The following OBI1 variants were observed in gnomAD, a reference collection of about 807,000 sequenced individuals.
OBI1 encodes the protein ring finger protein 219.
A neutral mutation model predicts 62.4 loss-of-function variants in OBI1; 59 were observed. The observed-to-expected ratio is 0.95, with a 90% CI of 0.77 to 1.17. The LOEUF (loss-of-function observed/expected upper bound fraction) is 1.17, where lower values mean the gene tolerates loss of function less well. OBI1 is among the 50% of genes most tolerant of loss of function. The probability of loss-of-function intolerance (pLI) is 0.00; values close to 1 mark genes in which losing one functional copy is unlikely to be tolerated. For synonymous variants in OBI1, 302 were observed against 292.8 expected (o/e 1.03, Z -0.32); for missense variants, 875 against 830.9 (o/e 1.05, Z -0.65).
chr13:78,645,014 C>CACTTTT lies in OBI1; in HGVS notation c.73-23_73-18dup. On this transcript the variant is annotated splice_polypyrimidine_tract_variant and intron_variant, in intron 1 of 5. Coordinates refer to ENST00000282003, the MANE Select transcript of OBI1 (RefSeq NM_024546.4). Reference sequence around the variant, plus strand: ...CTGACGTACCTTTGAAAAAAGAAATCACTTTTAGTACAGGACAACGGTCAT... The same window carrying CACTTTT: ...CTGACGTACCTTTGAAAAAAGAAATCACTTTTACTTTTAGTACAGGACAACGGTCAT... 1 of 1,603,022 alleles carries CACTTTT rather than the reference C, an allele frequency of 6.2e-7. No individual in the cohort carries two copies.
At chr13:78,626,806 A>G (rs373704386) in intron 5 of OBI1, among the ~76,000 whole-genome samples, 1 of 152,330 alleles carries the variant, frequency 6.6e-6, no homozygotes, top group South Asian at 2.1e-4. Context: ...GGTGGCTCAC[A>G]CCTGTAATCC....
At chr13:78,620,648 A>G (rs1875479844) in intron 5 of OBI1, 2 of 456,588 alleles carry the variant, frequency 4.4e-6, no homozygotes, top group Admixed American at 2.3e-5. Context: ...CCCCTTGTCC[A>G]AATAGCTCTA....
chr13:78,657,023 G>T (rs1876733431), intron 1 of OBI1, among the ~76,000 whole-genome samples: 1 of 151,792 alleles, frequency 6.6e-6, no homozygotes, highest in Admixed American at 6.6e-5. Flanking sequence ...GACCTCAGGC[G>T]ATCTGCCCGC....
chr13:78,633,805 C>T (rs372789740), intron 5 of OBI1, among the ~76,000 whole-genome samples: 12 of 152,070 alleles, frequency 7.9e-5, no homozygotes, highest in African/African-American at 1.2e-4. Context: ...TGGTGGCTCA[C>T]GCCTGTAATC....
intron 2 of OBI1, among the ~76,000 whole-genome samples, chr13:78,644,504 A>C (rs1421085267): frequency 1.3e-5 from 2 of 151,054 alleles, no homozygotes; most frequent in Admixed American, 1.3e-4. Context: ...CTTAAATTTA[A>C]ATGTCCAGCT....
intron 4 of OBI1, among the ~76,000 whole-genome samples, chr13:78,635,796 T>C (rs1236226065): frequency 1.3e-5 from 2 of 152,182 alleles, no homozygotes; most frequent in Non-Finnish European, 2.9e-5. Context: ...AGAGTCTTGC[T>C]CAGTTGCCCA....
chr13:78,633,630 CT>C (rs1430407784), intron 5 of OBI1, among the ~76,000 whole-genome samples: 1 of 151,980 alleles, frequency 6.6e-6, no homozygotes, highest in Non-Finnish European at 1.5e-5. Context: ...TCTTTTTTTT[CT>C]GGAAAAAGAA....
chr13:78,639,958 A>G (rs1349828723), intron 3 of OBI1, among the ~76,000 whole-genome samples: 1 of 151,668 alleles, frequency 6.6e-6, no homozygotes, highest in Non-Finnish European at 1.5e-5. Flanking sequence ...TAACCTGCAC[A>G]ATGTGCACAT....
At chr13:78,630,419 T>C (rs1189320388) in intron 5 of OBI1, among the ~76,000 whole-genome samples, 4 of 152,288 alleles carry the variant, frequency 2.6e-5, no homozygotes, top group South Asian at 2.1e-4. Context: ...AAGTATTCTA[T>C]AGTTCATGTT....
At chr13:78,624,964 C>G (rs967445418) in intron 5 of OBI1, among the ~76,000 whole-genome samples, 1 of 152,206 alleles carries the variant, frequency 6.6e-6, no homozygotes, top group Non-Finnish European at 1.5e-5. Flanking sequence ...ACTCTAAGTA[C>G]TACTTTCTCT....
Position 78,616,459 on chromosome 13 carries a change from AG to A in OBI1, c.1301del (p.Ser434PhefsTer14). On this transcript the variant is annotated frameshift_variant, in exon 6 of 6. Transcript: ENST00000282003. LOFTEE classifies it high-confidence loss of function. Reference sequence around the variant, plus strand: ...AAGAATCTTTATTAGAAACATTTGAAGAATCACAAAAATCATCAAACACCAA... The same window carrying A: ...AAGAATCTTTATTAGAAACATTTGAAAATCACAAAAATCATCAAACACCAA... The part of the protein sequence containing the change: ...RKLVFDDFCD[S>X]SNVSNKDSSE... 6.2e-7 allele frequency: 1 copy of A among 1,614,026 alleles called. No homozygotes were observed. Among genetic ancestry groups the A allele is most frequent in the Non-Finnish European group, 8.5e-7 (1 of 1,180,024 alleles).
chr13:78,645,037 C>A, intron 1 of OBI1, 40 bp from the exon 2 acceptor site: 1 of 1,562,426 alleles, frequency 6.4e-7, no homozygotes, highest in South Asian at 1.2e-5. Context: ...GGACAACGGT[C>A]ATAATTAGAA....
chr13:78,627,082 G>C (rs146773624), intron 5 of OBI1, among the ~76,000 whole-genome samples: 1,600 of 152,196 alleles, frequency 0.011, 13 homozygotes, highest in Middle Eastern at 0.044. Context: ...TAGAAAGGCT[G>C]TTACAACAGG....
At chr13:78,646,529 G>A (rs1876389353) in intron 1 of OBI1, among the ~76,000 whole-genome samples, 2 of 152,042 alleles carry the variant, frequency 1.3e-5, no homozygotes, top group African/African-American at 4.8e-5. Context: ...TCTCTTCACG[G>A]TGGGACTCAA....
intron 4 of OBI1, among the ~76,000 whole-genome samples, chr13:78,638,240 T>C (rs944503091): frequency 6.6e-6 from 1 of 152,154 alleles, no homozygotes; most frequent in Non-Finnish European, 1.5e-5. Context: ...TTTTTCACCA[T>C]GCTGTATCTC....
At chr13:78,630,909 C>A (rs141781402) in intron 5 of OBI1, among the ~76,000 whole-genome samples, 1 of 152,134 alleles carries the variant, frequency 6.6e-6, no homozygotes, top group Non-Finnish European at 1.5e-5. Context: ...TGATTCCTTG[C>A]TATTATTTCA....
intron 1 of OBI1, among the ~76,000 whole-genome samples, chr13:78,657,906 C>T (rs1387369071): frequency 6.6e-6 from 1 of 152,172 alleles, no homozygotes; most frequent in African/African-American, 2.4e-5. Context: ...TCGATGAGGC[C>T]ATCCTTGATC....
chr13:78,624,399 C>A (rs1478496469), intron 5 of OBI1, among the ~76,000 whole-genome samples: 2 of 152,116 alleles, frequency 1.3e-5, no homozygotes, highest in Non-Finnish European at 2.9e-5. Context: ...GTAGAGTTTG[C>A]TTTTCAAGTT....
intron 5 of OBI1, among the ~76,000 whole-genome samples, chr13:78,631,738 ATAT>A (rs970698473): frequency 1.3e-5 from 2 of 151,816 alleles, no homozygotes; most frequent in Admixed American, 6.5e-5. Flanking sequence ...AACAGGATGA[ATAT>A]TATTGAAACC....
Sources: gnomAD v4.1 joint callset for allele counts (sites outside exome capture counted in the v4.1 genomes callset) on GRCh38, gnomAD v4.1.1 for gene constraint, MANE v1.5 for transcripts, NCBI Gene and HGNC (gene_info 2026-07-23, HGNC 2026-07-21) for gene names.